The following SH3D21 variants were observed in gnomAD, a reference collection of about 807,000 sequenced individuals.
SH3D21 encodes SH3 domain-containing protein 21.
In SH3D21, 83 loss-of-function variants were observed where a neutral mutation model predicts 82.1. That is an observed-to-expected ratio of 1.01 (90% CI 0.85 to 1.21). The LOEUF (loss-of-function observed/expected upper bound fraction) is 1.21, where lower values mean the gene tolerates loss of function less well. SH3D21 is among the 50% of genes most tolerant of loss of function. SH3D21 has a pLI of 0.00. For synonymous variants in SH3D21, 383 were observed against 387.8 expected (o/e 0.99, Z 0.15); for missense variants, 980 against 962.1 (o/e 1.02, Z -0.25).
chr1:36,308,169 T>A lies in SH3D21; in HGVS notation c.599T>A (p.Leu200Ter), dbSNP rs1431558204. The change falls in exon 8 of 16, where the codon TTG becomes TAG. Residue 200 changes from leucine (L) to a stop codon, truncating the protein, a stop_gained. Transcript: ENST00000453908. LOFTEE classifies it high-confidence loss of function. The part of the protein sequence containing the change: ...FDYQPEAPDE[L>*]ALRRGDVVKV... ...TACCAGCCTGAGGCCCCAGACGAGT[T>A]GGCGCTGCGGAGGGGGGACGTGGTA... 2 of 1,548,754 alleles carry A rather than the reference T, an allele frequency of 1.3e-6. No homozygotes were observed. The highest frequency in any genetic ancestry group is 3.9e-5 in the Admixed American group (2 of 50,686).
intron 10 of SH3D21, among the ~76,000 whole-genome samples, chr1:36,316,519 G>C (rs1646346326): frequency 6.6e-6 from 1 of 152,246 alleles, no homozygotes; most frequent in Admixed American, 6.5e-5. Context: ...ACAGGCGTGA[G>C]CCACCGCGCC....
At chr1:36,328,395 C>T (rs1646565025), downstream of SH3D21, 1 of 343,862 alleles carries the variant, frequency 2.9e-6, no homozygotes, top group Admixed American at 3.8e-5. Context: ...CACCGGGGGC[C>T]TCCTGAGTCC....
At chr1:36,322,215 C>G, downstream of SH3D21, 2 of 1,398,518 alleles carry the variant, frequency 1.4e-6, no homozygotes, top group Non-Finnish European at 1.9e-6. Flanking sequence ...GGGGCCGAGG[C>G]AGTCCGAAGG....
At position 36,319,888 on chromosome 1, in the gene SH3D21, G is replaced by A. The variant is rs1254823247; in HGVS notation, c.1225G>A (p.Ala409Thr). The A allele has an allele frequency of 6.2e-7, 1 of 1,614,102 alleles. No homozygotes were observed. The change falls in exon 14 of 16, where the codon GCT becomes ACT. Residue 409 changes from alanine (A) to threonine (T), a missense_variant. By Grantham distance (58) the Ala-to-Thr change is moderately conservative. Coordinates refer to ENST00000453908, the MANE Select transcript of SH3D21 (RefSeq NM_001162530.2). ...PGNSTSGKIP[A>T]PDKVPTPEKM... Reference sequence around the variant, plus strand: ...GAACTCCACCTCGGGGAAGATCCCAGCTCCTGACAAAGTCCCCACCCCAGA... The same window carrying A: ...GAACTCCACCTCGGGGAAGATCCCAACTCCTGACAAAGTCCCCACCCCAGA...
In SH3D21 at chr1:36,320,732, T is replaced by C. The variant is rs770971457; in HGVS notation, c.2069T>C (p.Val690Ala). 1 of 1,611,814 alleles carries C rather than the reference T, an allele frequency of 6.2e-7. No individual in the cohort carries two copies. Among genetic ancestry groups the C allele is most frequent in the South Asian group, 1.1e-5 (1 of 90,890 alleles). Residue 690 changes from valine (V) to alanine (A), a missense_variant, in exon 14 of 16, where the codon GTA (valine) becomes GCA (alanine). Coordinates refer to ENST00000453908, the MANE Select transcript of SH3D21 (RefSeq NM_001162530.2). ...GAAAACAAGAATGAAGGAGTTGATGTAACGTCGCTGAGGGGCGAGGTGGAG... is the reference window on the plus strand; with the variant it reads ...GAAAACAAGAATGAAGGAGTTGATGCAACGTCGCTGAGGGGCGAGGTGGAG... ...YTENKNEGVD[V>A]TSLRGEVESL... is the part of the protein sequence containing the mutation.
In SH3D21 at chr1:36,306,920, G is replaced by T; in HGVS notation, c.226+15G>T. On this transcript the variant is annotated intron_variant, in intron 3 of 15. Coordinates refer to ENST00000453908, the MANE Select transcript of SH3D21 (RefSeq NM_001162530.2). The surrounding 1 kb of genome is among the most constrained non-coding windows in gnomAD (Gnocchi z 4.5). ...GCGCCGCCGAGGTGAGCGCAAGGGC[G>T]GGGACGGGCGCCGGTGGGCGGGTGC... The T allele has an allele frequency of 7.6e-7, 1 of 1,321,090 alleles. No individual in the cohort carries two copies. Among genetic ancestry groups the T allele is most frequent in the African/African-American group, 1.6e-5 (1 of 64,350 alleles). The allele number at this position is 1,321,090 out of a possible 1,614,324, so 81.8% of individuals were successfully genotyped here.
rs773409803 is a variant in SH3D21, at chr1:36,319,745, C to A, written c.1082C>A (p.Thr361Asn). 1.2e-5 allele frequency: 19 copies of A among 1,602,638 alleles called. No individual in the cohort carries two copies. In the East Asian group the frequency reaches 4.0e-4, roughly 34 times the overall value. ...ACCCCCATGCCGGACAAGACTGCCA[C>A]CCCAGAGAGGCCCCCAGCTCCAGAG... ...KRTPMPDKTATPERPPAPENA... is the reference protein window; with the variant it reads ...KRTPMPDKTANPERPPAPENA... The change falls in exon 14 of 16, where the codon ACC becomes AAC. Residue 361 changes from threonine to asparagine, a missense_variant. Coordinates refer to ENST00000453908, the MANE Select transcript of SH3D21 (RefSeq NM_001162530.2).
At chr1:36,311,304 A>C (rs2124678870) in intron 10 of SH3D21, among the ~76,000 whole-genome samples, 1 of 151,924 alleles carries the variant, frequency 6.6e-6, no homozygotes, top group South Asian at 2.1e-4. Flanking sequence ...GCAGTGGCGC[A>C]ATCTGGGCTC....
At position 36,306,612 on chromosome 1, in the gene SH3D21, G is replaced by T; in HGVS notation, c.19G>T (p.Ala7Ser). MEVLVL[A>S]GYRAQKEDEL... ...TCCGCCCGCAGAAGTCCTCGTCCTG[G>T]CCGGATACCGCGCGCAGAAGGAGGA... Residue 7 changes from alanine to serine, a missense_variant, in exon 2 of 16, where the codon GCC (alanine) becomes TCC (serine). Ala to Ser is a moderately conservative substitution (Grantham distance 99). Coordinates refer to ENST00000453908, the MANE Select transcript of SH3D21 (RefSeq NM_001162530.2). The surrounding 1 kb of genome is among the most constrained non-coding windows in gnomAD (Gnocchi z 4.5). The T allele has an allele frequency of 7.7e-7, 1 of 1,302,690 alleles. No individual in the cohort carries two copies. The highest frequency in any genetic ancestry group is 1.0e-6 in the Non-Finnish European group (1 of 988,730). The allele number at this position is 1,302,690 out of a possible 1,614,324, so 80.7% of individuals were successfully genotyped here.
downstream of SH3D21, chr1:36,324,907 T>TC (rs1212213370): frequency 1.3e-5 from 2 of 152,248 alleles, no homozygotes; most frequent in Admixed American, 6.5e-5. Context: ...GCCTAGCACT[T>TC]CCTAGTCTAG....
chr1:36,329,495 T>C (rs1241339237), downstream of SH3D21, among the ~76,000 whole-genome samples: 2 of 152,226 alleles, frequency 1.3e-5, no homozygotes, highest in African/African-American at 4.8e-5. Flanking sequence ...GTGCAGGATG[T>C]AGAATCTGCC....
In SH3D21 at chr1:36,307,330, C is replaced by G; in HGVS notation, c.345+45C>G. The G allele has an allele frequency of 1.3e-6, 2 of 1,546,186 alleles. No individual in the cohort carries two copies. The highest frequency in any genetic ancestry group is 1.8e-6 in the Non-Finnish European group (2 of 1,142,450). On this transcript the variant is annotated intron_variant, in intron 4 of 15. Transcript: ENST00000453908. The surrounding 1 kb of genome is among the most constrained non-coding windows in gnomAD (Gnocchi z 5.4). ...GACCGTTTGGGGGAGGATGATGGAA[C>G]GCGCCTCCCTAGTGAGCGGGGTGGG...
rs1018183454 is a variant in SH3D21 at position 36,306,877 on chromosome 1, G to C, written c.198G>C (p.Ala66=). The part of the protein sequence containing the change: ...IPETLRGSGE[A]RRPRCARRRG... ...AGACCCTGCGGGGCTCCGGAGAGGC[G>C]CGGAGGCCGCGCTGTGCGCGCCGCC... The change falls in exon 3 of 16, where the codon GCG becomes GCC. Residue 66 remains alanine (A), a synonymous_variant. Coordinates refer to ENST00000453908, the MANE Select transcript of SH3D21 (RefSeq NM_001162530.2). This position sits in a 1 kb window ranked among gnomAD's most constrained non-coding sequence, Gnocchi z 4.5. 1 of 1,301,770 alleles carries C rather than the reference G, an allele frequency of 7.7e-7. No homozygotes were observed. Among genetic ancestry groups the C allele is most frequent in the Non-Finnish European group, 1.0e-6 (1 of 996,898 alleles). The allele number at this position is 1,301,770 out of a possible 1,614,324, so 80.6% of individuals were successfully genotyped here.
At chr1:36,326,403 G>C (rs1171974982), downstream of SH3D21, among the ~76,000 whole-genome samples, 2 of 151,998 alleles carry the variant, frequency 1.3e-5, no homozygotes, top group African/African-American at 2.4e-5. Flanking sequence ...TGCTAATTTT[G>C]TATTTTTAGT....
rs542040435 is a variant in SH3D21, at chr1:36,317,624, G to A, written c.770-1447G>A. ...GTCGCCCAGGCTGGAGTCCAGTGGCGCGATCTTGGCTCACTGTAACCTCTG... is the reference window on the plus strand; with the variant it reads ...GTCGCCCAGGCTGGAGTCCAGTGGCACGATCTTGGCTCACTGTAACCTCTG... On this transcript the variant is annotated intron_variant, in intron 10 of 15. Transcript: ENST00000453908. Among the ~76,000 whole-genome samples, 65 of 152,198 alleles carry A rather than the reference G, an allele frequency of 4.3e-4. 1 individual carries two copies. Among genetic ancestry groups the A allele is most frequent in the Admixed American group, 9.2e-4 (14 of 15,284 alleles).
Position 36,320,906 on chromosome 1 carries a change from G to A in SH3D21, c.2136-9G>A, listed in dbSNP as rs1446994992. 3.8e-6 allele frequency: 6 copies of A among 1,560,072 alleles called. No homozygotes were observed. The highest frequency in any genetic ancestry group is 2.4e-5 in the East Asian group (1 of 42,088). The stretch of plus-strand genomic sequence containing the variant: ...CTGCCCAGCCCCTCACCTCCGCCTC[G>A]GCCCGCAGGAGGAAGCTGACCGACA... On this transcript the variant is annotated splice_polypyrimidine_tract_variant and intron_variant, in intron 14 of 15. Transcript: ENST00000453908.
At chr1:36,309,287 C>T (rs1237487611) in intron 9 of SH3D21, among the ~76,000 whole-genome samples, 3 of 151,990 alleles carry the variant, frequency 2.0e-5, no homozygotes, top group South Asian at 2.1e-4. Context: ...ACCTCCCCCT[C>T]TCAGGTTCAA....
At chr1:36,312,221 C>T (rs1646255191) in intron 10 of SH3D21, among the ~76,000 whole-genome samples, 1 of 151,924 alleles carries the variant, frequency 6.6e-6, no homozygotes, top group South Asian at 2.1e-4. Context: ...AGACGGGTTT[C>T]ACCATGTTAG....
At chr1:36,312,274 T>C (rs562296822) in intron 10 of SH3D21, among the ~76,000 whole-genome samples, 10 of 152,278 alleles carry the variant, frequency 6.6e-5, no homozygotes, top group East Asian at 1.9e-4. Flanking sequence ...CCGTCCGCCT[T>C]GGCCTCCCAA....
Sources: allele counts gnomAD v4.1 joint callset (sites outside exome capture counted in the v4.1 genomes callset), GRCh38; gene constraint gnomAD v4.1.1; non-coding constraint Gnocchi (gnomAD v3.1); transcripts MANE v1.5; gene names NCBI Gene and HGNC (gene_info 2026-07-23, HGNC 2026-07-21).